TAFA5: variants seen among roughly 807,000 people sequenced by gnomAD.
The protein encoded by TAFA5 is TAFA chemokine like family member 5.
TAFA5 carries 6 observed loss-of-function variants against 15.3 expected under a neutral mutation model. That is an observed-to-expected ratio of 0.39 (90% confidence interval 0.21 to 0.77). The LOEUF (loss-of-function observed/expected upper bound fraction) is 0.77, where lower values mean the gene tolerates loss of function less well. TAFA5 is among the 30% of genes least tolerant of loss of function. TAFA5 has a pLI of 0.41. For missense variants in TAFA5, 161 were observed against 193.1 expected, an observed-to-expected ratio of 0.83 and a Z score of 0.98; for synonymous variants, 103 against 80.7, an observed-to-expected ratio of 1.28 and a Z score of -1.48.
intron 3 of TAFA5, among the ~76,000 whole-genome samples, chr22:48,746,282 C>T (rs867182143): frequency 3.0e-4 from 45 of 152,050 alleles, no homozygotes; most frequent in African/African-American, 8.5e-4. Context: ...GCACCCCACT[C>T]GTCAGGCAGG....
intron 1 of TAFA5, among the ~76,000 whole-genome samples, chr22:48,581,672 T>C (rs1924048546): frequency 1.3e-5 from 2 of 152,168 alleles, no homozygotes; most frequent in Non-Finnish European, 2.9e-5. Flanking sequence ...ACTGCTGACA[T>C]GTTCATGTGT....
Position 48,513,585 on chromosome 22 carries a change from C to A in TAFA5, c.112+23881C>A, listed in dbSNP as rs533827546. On this transcript the variant is annotated intron_variant, in intron 1 of 3. Transcript: ENST00000402357. ...AGGCTTCCCAAGGCTGAAGTCAGCC[C>A]AGTGCTCTGAGCGAGACATGGCTAA... 9.2e-5 allele frequency among the ~76,000 whole-genome samples: 14 copies of A among 152,366 alleles called. 2 individuals carry two copies. The highest frequency in any genetic ancestry group is 5.9e-4 in the Admixed American group (9 of 15,312).
intron 3 of TAFA5, among the ~76,000 whole-genome samples, chr22:48,719,846 G>C (rs986300481): frequency 6.6e-6 from 1 of 152,142 alleles, no homozygotes; most frequent in Non-Finnish European, 1.5e-5. Flanking sequence ...TATATGGCCG[G>C]CGCCACATCA....
At chr22:48,571,303 T>G (rs936156126) in intron 1 of TAFA5, among the ~76,000 whole-genome samples, 4 of 136,756 alleles carry the variant, frequency 2.9e-5, no homozygotes, top group Non-Finnish European at 6.2e-5. Flanking sequence ...TGAGACAAAG[T>G]CTCGCTCTGT....
intron 2 of TAFA5, among the ~76,000 whole-genome samples, chr22:48,655,599 G>T (rs117402547): frequency 6.6e-6 from 1 of 151,976 alleles, no homozygotes; most frequent in Non-Finnish European, 1.5e-5. Context: ...CCTGAACATC[G>T]GTCAAAGTGC....
chr22:48,622,058 G>A (rs144056807), intron 1 of TAFA5, among the ~76,000 whole-genome samples: 4 of 152,174 alleles, frequency 2.6e-5, no homozygotes, highest in African/African-American at 9.6e-5. Flanking sequence ...AACTTCTCAC[G>A]GCAGTGCAAC....
chr22:48,691,615 T>C (rs1344828592), intron 2 of TAFA5, among the ~76,000 whole-genome samples: 1 of 152,198 alleles, frequency 6.6e-6, no homozygotes, highest in Non-Finnish European at 1.5e-5. Flanking sequence ...AGCAGGCTCT[T>C]CTTCTGCCCC....
intron 1 of TAFA5, among the ~76,000 whole-genome samples, chr22:48,629,210 T>C (rs1926128269): frequency 6.6e-6 from 1 of 152,184 alleles, no homozygotes; most frequent in Non-Finnish European, 1.5e-5. Context: ...CAGCCCCATC[T>C]AGGCCCTCCC....
At chr22:48,717,386 G>A (rs1161293466) in intron 3 of TAFA5, among the ~76,000 whole-genome samples, 1 of 152,228 alleles carries the variant, frequency 6.6e-6, no homozygotes. Flanking sequence ...GAGGAGCCCT[G>A]CACGTACCTG....
At chr22:48,727,324 C>T (rs1929743055) in intron 3 of TAFA5, among the ~76,000 whole-genome samples, 1 of 152,132 alleles carries the variant, frequency 6.6e-6, no homozygotes, top group Non-Finnish European at 1.5e-5. Flanking sequence ...TCTAGTAAAA[C>T]TAACAGAGGC....
chr22:48,526,972 G>A (rs1430259073), intron 1 of TAFA5, among the ~76,000 whole-genome samples: 1 of 152,236 alleles, frequency 6.6e-6, no homozygotes, highest in Non-Finnish European at 1.5e-5. Flanking sequence ...TTCTTTAAGT[G>A]ATTCCTTTCC....
intron 2 of TAFA5, among the ~76,000 whole-genome samples, chr22:48,703,779 G>A (rs889215871): frequency 6.6e-6 from 1 of 152,236 alleles, no homozygotes; most frequent in Non-Finnish European, 1.5e-5. Flanking sequence ...TGCCCTGCAG[G>A]CAGGTCAGGA....
chr22:48,558,389 A>G lies in TAFA5; in HGVS notation c.112+68685A>G, dbSNP rs73888932. Among the ~76,000 whole-genome samples, 525 of 152,334 alleles carry G rather than the reference A, an allele frequency of 3.4e-3. 4 individuals are homozygous for G. The highest frequency in any genetic ancestry group is 0.012 in the African/African-American group (511 of 41,574). On this transcript the variant is annotated intron_variant, in intron 1 of 3. Transcript: ENST00000402357. ...GAATGCGTCCCTCCCTGGAACTGAC[A>G]TAACGCTCTTTAATGTCTGTCGCAC... is the stretch of plus-strand genomic sequence containing the variant.
chr22:48,644,139 C>T (rs899837074), intron 1 of TAFA5, among the ~76,000 whole-genome samples: 3 of 152,190 alleles, frequency 2.0e-5, no homozygotes, highest in Non-Finnish European at 4.4e-5. Flanking sequence ...CATTTGGTGT[C>T]GCCCTTTTCT....
rs988244381 is a variant in TAFA5, at chr22:48,530,601, C to T, written c.112+40897C>T. Among the ~76,000 whole-genome samples the T allele has an allele frequency of 1.6e-4, 25 of 152,230 alleles. No homozygotes were observed. Among genetic ancestry groups the T allele is most frequent in the African/African-American group, 4.8e-4 (20 of 41,546 alleles). The stretch of plus-strand genomic sequence containing the variant: ...TGCTAGAGGGTGGGCAAGAAACCAG[C>T]GCTCCCCTGGCTCCCTCCCTTCCCA... On this transcript the variant is annotated intron_variant, in intron 1 of 3. Coordinates refer to ENST00000402357, the MANE Select transcript of TAFA5 (RefSeq NM_001082967.3). The surrounding 1 kb of genome is among the most constrained non-coding windows in gnomAD (Gnocchi z 6.0).
At chr22:48,665,136 C>T (rs965941658) in intron 2 of TAFA5, among the ~76,000 whole-genome samples, 33 of 152,270 alleles carry the variant, frequency 2.2e-4, no homozygotes, top group African/African-American at 6.7e-4. Flanking sequence ...TACGGTGTTT[C>T]GTGGACTTGG....
Position 48,489,899 on chromosome 22 carries a change from G to C in TAFA5, c.112+195G>C, listed in dbSNP as rs1235794928. On this transcript the variant is annotated intron_variant, in intron 1 of 3. Transcript: ENST00000402357. The surrounding 1 kb of genome is among the most constrained non-coding windows in gnomAD (Gnocchi z 5.5). ...GGGTCCACCCGGGTTCCGGGCGCTC[G>C]AGCACTTCGGGGTCGGACGCCCCGG... Among the ~76,000 whole-genome samples the C allele has an allele frequency of 1.3e-5, 2 of 151,732 alleles. No homozygotes were observed. The highest frequency in any genetic ancestry group is 4.8e-5 in the African/African-American group (2 of 41,368).
At chr22:48,589,986 CGTGTGTGTGTGT>C (rs35969553) in intron 1 of TAFA5, among the ~76,000 whole-genome samples, 1 of 149,664 alleles carries the variant, frequency 6.7e-6, no homozygotes, top group Non-Finnish European at 1.5e-5. Flanking sequence ...TTGCAGCCGA[CGTGTGTGTGTGT>C]GTGTGTGTGT....
At chr22:48,502,916 A>G (rs528309439) in intron 1 of TAFA5, among the ~76,000 whole-genome samples, 1 of 152,266 alleles carries the variant, frequency 6.6e-6, no homozygotes, top group East Asian at 1.9e-4. Context: ...CACATCCCAG[A>G]ATGTAGCTAA....
Sources: gnomAD v4.1 joint callset for allele counts (sites outside exome capture counted in the v4.1 genomes callset) on GRCh38, gnomAD v4.1.1 for gene constraint, Gnocchi (gnomAD v3.1) non-coding constraint, MANE v1.5 for transcripts, NCBI Gene and HGNC (gene_info 2026-07-23, HGNC 2026-07-21) for gene names.